The following PTCHD4 variants were observed in gnomAD, a reference collection of about 807,000 sequenced individuals.
PTCHD4 encodes patched domain-containing protein 4.
Under a neutral mutation model 58.1 loss-of-function variants are expected in PTCHD4, and 33 were observed. The ratio of observed to expected loss-of-function variants is 0.57; its 90% confidence interval spans 0.43 to 0.76. The LOEUF is 0.76. Among genes scored for constraint, PTCHD4 ranks in the 30% least tolerant of loss-of-function variants. The probability of loss-of-function intolerance (pLI) is 0.00; values close to 1 mark genes in which losing one functional copy is unlikely to be tolerated. For missense variants in PTCHD4, 1,058 were observed against 1,027.1 expected (o/e 1.03, Z -0.41); for synonymous variants, 478 against 409.6 (o/e 1.17, Z -2.02).
chr6:48,095,048 T>G (rs1438449697), intron 1 of PTCHD4, among the ~76,000 whole-genome samples: 6 of 152,184 alleles, frequency 3.9e-5, no homozygotes, highest in Non-Finnish European at 8.8e-5. Context: ...AGATTATAAA[T>G]GGACATGAGA....
intron 4 of PTCHD4, among the ~76,000 whole-genome samples, chr6:47,966,758 A>C (rs958137554): frequency 3.9e-5 from 6 of 152,186 alleles, no homozygotes; most frequent in Admixed American, 2.6e-4. Context: ...CATTCATAAG[A>C]AGCAACTCCT....
At chr6:47,935,854 G>A (rs1430389121) in intron 4 of PTCHD4, among the ~76,000 whole-genome samples, 1 of 152,120 alleles carries the variant, frequency 6.6e-6, no homozygotes, top group East Asian at 1.9e-4. Context: ...CAAGTAGTAT[G>A]GAGAAAAATA....
chr6:48,039,147 A>T (rs1404588587), intron 3 of PTCHD4, among the ~76,000 whole-genome samples: 1 of 152,158 alleles, frequency 6.6e-6, no homozygotes, highest in African/African-American at 2.4e-5. Flanking sequence ...CAGACAATGC[A>T]AATGCCCATG....
At chr6:47,893,531 G>A (rs1344701449) in intron 4 of PTCHD4, among the ~76,000 whole-genome samples, 2 of 152,114 alleles carry the variant, frequency 1.3e-5, no homozygotes, top group Admixed American at 6.5e-5. Context: ...AAGGCATCAG[G>A]CTATGTGGGT....
intron 1 of PTCHD4, among the ~76,000 whole-genome samples, chr6:48,071,209 G>A (rs1001237374): frequency 3.9e-5 from 6 of 151,940 alleles, no homozygotes; most frequent in South Asian, 2.1e-4. Flanking sequence ...TTTCTTATTC[G>A]CTTCATTTCC....
At chr6:47,890,177 ATATT>A (rs1458264913) in intron 4 of PTCHD4, among the ~76,000 whole-genome samples, 1 of 151,678 alleles carries the variant, frequency 6.6e-6, no homozygotes, top group Non-Finnish European at 1.5e-5. Flanking sequence ...GTATATATGT[ATATT>A]TGTCAATACA....
At chr6:47,993,097 A>G (rs1293386254) in intron 4 of PTCHD4, among the ~76,000 whole-genome samples, 1 of 152,184 alleles carries the variant, frequency 6.6e-6, no homozygotes. Flanking sequence ...AGCCTCTTTT[A>G]TATATATTTG....
At chr6:48,067,549 A>T (rs1352259065) in intron 3 of PTCHD4, among the ~76,000 whole-genome samples, 6 of 152,124 alleles carry the variant, frequency 3.9e-5, no homozygotes, top group Admixed American at 3.3e-4. Context: ...TCCCTACTAC[A>T]TTCATAACTC....
chr6:48,036,157 T>C (rs547989348), intron 3 of PTCHD4, among the ~76,000 whole-genome samples: 1 of 152,096 alleles, frequency 6.6e-6, no homozygotes, highest in African/African-American at 2.4e-5. Context: ...TTTAATTTTT[T>C]TTCACTTCCG....
intron 3 of PTCHD4, among the ~76,000 whole-genome samples, chr6:48,040,848 C>G (rs1365464739): frequency 6.6e-6 from 1 of 151,962 alleles, no homozygotes; most frequent in Non-Finnish European, 1.5e-5. Flanking sequence ...AGCAATCTTC[C>G]TATTGACCCA....
At chr6:48,103,554 CAA>C (rs1278983843) in intron 1 of PTCHD4, among the ~76,000 whole-genome samples, 1 of 152,140 alleles carries the variant, frequency 6.6e-6, no homozygotes, top group Non-Finnish European at 1.5e-5. Context: ...TCTCCTCCTC[CAA>C]AGGAACGCAG....
intron 3 of PTCHD4, among the ~76,000 whole-genome samples, chr6:48,042,910 GA>G (rs1223817899): frequency 6.6e-6 from 1 of 151,830 alleles, no homozygotes; most frequent in Admixed American, 6.6e-5. Flanking sequence ...TTTTACCTAG[GA>G]ATAGTAGCCA....
chr6:48,015,587 A>G (rs2114099265), intron 3 of PTCHD4, among the ~76,000 whole-genome samples: 1 of 151,988 alleles, frequency 6.6e-6, no homozygotes, highest in South Asian at 2.1e-4. Context: ...TGCCAAGACT[A>G]CTTCCTGGTC....
At chr6:48,006,717 T>G (rs16876915) in intron 4 of PTCHD4, among the ~76,000 whole-genome samples, 6,622 of 152,276 alleles carry the variant, frequency 0.043, 179 homozygotes, top group African/African-American at 0.048. Context: ...AGAGATGATA[T>G]GCAAAATCCA....
chr6:47,957,590 T>A (rs1766914201), intron 4 of PTCHD4, among the ~76,000 whole-genome samples: 1 of 150,724 alleles, frequency 6.6e-6, no homozygotes, highest in South Asian at 2.1e-4. Context: ...TTTTTATTTT[T>A]TTTATTTTTA....
At chr6:48,099,295 G>A (rs1453722736) in intron 1 of PTCHD4, among the ~76,000 whole-genome samples, 7 of 152,172 alleles carry the variant, frequency 4.6e-5, no homozygotes, top group East Asian at 1.9e-4. Context: ...AGGTGGTAAC[G>A]GGCCTTGAAG....
chr6:48,012,651 C>A (rs1762723002), intron 3 of PTCHD4, among the ~76,000 whole-genome samples: 1 of 152,084 alleles, frequency 6.6e-6, no homozygotes. Flanking sequence ...TATTTTGTGC[C>A]AGTTTTCAAA....
chr6:47,934,398 A>C (rs1463291943), intron 4 of PTCHD4, among the ~76,000 whole-genome samples: 3 of 152,190 alleles, frequency 2.0e-5, no homozygotes, highest in African/African-American at 7.2e-5. Flanking sequence ...TGAACTACGA[A>C]AAAGTCCTGC....
intron 1 of PTCHD4, among the ~76,000 whole-genome samples, chr6:48,075,514 TCCA>T (rs1765048086): frequency 6.6e-6 from 1 of 151,882 alleles, no homozygotes; most frequent in Non-Finnish European, 1.5e-5. Context: ...GTCAAATCAT[TCCA>T]TGTCAATAAA....
Sources: allele counts gnomAD v4.1 joint callset (sites outside exome capture counted in the v4.1 genomes callset), GRCh38; gene constraint gnomAD v4.1.1; transcripts MANE v1.5; gene names NCBI Gene and HGNC (gene_info 2026-07-23, HGNC 2026-07-21).